The following CGB5 variants were observed in gnomAD, a reference collection of about 807,000 sequenced individuals.
CGB5 encodes chorionic gonadotropin, beta polypeptide 5.
Under a neutral mutation model 7.6 loss-of-function variants are expected in CGB5, and 2 were observed. That is an observed-to-expected ratio of 0.26 (90% CI 0.11 to 0.83). The LOEUF (loss-of-function observed/expected upper bound fraction) is 0.83. CGB5 is among the 40% of genes least tolerant of loss of function. The pLI, the probability that CGB5 is intolerant of heterozygous loss-of-function variation, is 0.65. For synonymous variants in CGB5, 25 were observed against 99.8 expected, an observed-to-expected ratio of 0.25 and a Z score of 4.47; for missense variants, 48 against 228.2, an observed-to-expected ratio of 0.21 and a Z score of 5.09.
intron 1 of CGB5, 120 bp downstream of exon 1, chr19:49,044,344 G>A (rs1472320492): frequency 2.5e-6 from 4 of 1,605,286 alleles, no homozygotes; most frequent in African/African-American, 1.4e-5. Context: ...GTGACCCCCA[G>A]TAAGCTTCAG....
In CGB5 at chr19:49,044,233, G is replaced by T. The variant is rs778398694; in HGVS notation, c.15+9G>T. 2 of 1,613,216 alleles carry T rather than the reference G, an allele frequency of 1.2e-6. No homozygotes were observed. The highest frequency in any genetic ancestry group is 1.7e-6 in the Non-Finnish European group (2 of 1,179,804). ...GGATGGAGATGTTCCAGGTAAGACT[G>T]CAGGGCCCCTGGGCACCTTCCACCT... On this transcript the variant is annotated intron_variant, in intron 1 of 2. Coordinates refer to ENST00000301408, the MANE Select transcript of CGB5 (RefSeq NM_033043.2).
In CGB5 at chr19:49,044,094, C is replaced by G; in HGVS notation, c.-116C>G. Reference sequence around the variant, plus strand: ...CCCCCTGGCCTTGTCTACCTCTTGCCCCCCGAAGGGTTAGTGTCGAGCTCA... The same window carrying G: ...CCCCCTGGCCTTGTCTACCTCTTGCGCCCCGAAGGGTTAGTGTCGAGCTCA... On this transcript the variant is annotated 5_prime_UTR_variant, in exon 1 of 3. Transcript: ENST00000301408. 2 of 1,598,546 alleles carry G rather than the reference C, an allele frequency of 1.3e-6. No homozygotes were observed. The highest frequency in any genetic ancestry group is 1.7e-6 in the Non-Finnish European group (2 of 1,167,578).
At chr19:49,044,499 G>A in intron 1 of CGB5, 78 bp from the exon 2 acceptor site, 2 of 1,410,270 alleles carry the variant, frequency 1.4e-6, no homozygotes, top group Non-Finnish European at 1.9e-6. Context: ...CTTTGTGGGT[G>A]GTGTACCACG....
chr19:49,044,942 C>G (rs747668176), intron 2 of CGB5, 38 bp from the exon 3 acceptor site: 2 of 1,592,746 alleles, frequency 1.3e-6, no homozygotes, highest in Non-Finnish European at 1.7e-6. Context: ...GCGCTGGCCC[C>G]AGGCACATGC....
At position 49,045,193 on chromosome 19, in the gene CGB5, C is replaced by T; in HGVS notation, c.397C>T (p.Pro133Ser). ...GGACCACCCCTTGACCTGTGATGAC[C>T]CCCGCTTCCAGGACTCCTCTTCCTC... ...PKDHPLTCDDPRFQDSSSSKA... is the reference protein window; with the variant it reads ...PKDHPLTCDDSRFQDSSSSKA... The change falls in exon 3 of 3, where the codon CCC becomes TCC. Residue 133 changes from proline to serine, a missense_variant. Physicochemically the swap from Pro to Ser is moderately conservative, Grantham distance 74. Coordinates refer to ENST00000301408, the MANE Select transcript of CGB5 (RefSeq NM_033043.2). 6.3e-7 allele frequency: 1 copy of T among 1,578,530 alleles called. No individual in the cohort carries two copies. Among genetic ancestry groups the T allele is most frequent in the Non-Finnish European group, 8.6e-7 (1 of 1,162,714 alleles).
rs747387144 is a variant in CGB5, at chr19:49,044,970, C to T, written c.184-10C>T. 3.2e-6 allele frequency: 5 copies of T among 1,577,094 alleles called. No individual in the cohort carries two copies. Among genetic ancestry groups the T allele is most frequent in the African/African-American group, 1.4e-5 (1 of 70,526 alleles). On this transcript the variant is annotated splice_polypyrimidine_tract_variant and intron_variant, in intron 2 of 2. Coordinates refer to ENST00000301408, the MANE Select transcript of CGB5 (RefSeq NM_033043.2). ...GCACATGCTCATTCCCCCACTCACA[C>T]GGCTTCCAGACCCGCGTGCTGCAGG...
Position 49,044,194 on chromosome 19 carries a change from A to T in CGB5, c.-16A>T, listed in dbSNP as rs770408103. On this transcript the variant is annotated 5_prime_UTR_variant, in exon 1 of 3. Coordinates refer to ENST00000301408, the MANE Select transcript of CGB5 (RefSeq NM_033043.2). Reference sequence around the variant, plus strand: ...AGGTATAAAGCCAGGTACACGAGGCAGGGGACGCACCAAGGATGGAGATGT... The same window carrying T: ...AGGTATAAAGCCAGGTACACGAGGCTGGGGACGCACCAAGGATGGAGATGT... The T allele has an allele frequency of 3.1e-6, 5 of 1,613,598 alleles. No homozygotes were observed. The Admixed American group carries it at 6.7e-5, about 22-fold the overall frequency.
In CGB5 at chr19:49,044,154, G is replaced by T. The variant is rs370110240; in HGVS notation, c.-56G>T. 6.2e-7 allele frequency: 1 copy of T among 1,613,724 alleles called. No homozygotes were observed. The highest frequency in any genetic ancestry group is 1.1e-5 in the South Asian group (1 of 91,078). The stretch of plus-strand genomic sequence containing the variant: ...CCTACAACCTCCTGGTGGCCTTGCC[G>T]CCCCCACAACCCCGAGGTATAAAGC... On this transcript the variant is annotated 5_prime_UTR_variant, in exon 1 of 3. Transcript: ENST00000301408.
chr19:49,044,487 G>C (rs2039917696), intron 1 of CGB5, 90 bp from the exon 2 acceptor site: 1 of 1,405,800 alleles, frequency 7.1e-7, no homozygotes, highest in South Asian at 1.4e-5. Context: ...GGGTCTCTGG[G>C]TCTTTGTGGG....
chr19:49,044,161 C>T lies in CGB5; in HGVS notation c.-49C>T, dbSNP rs536262481. The T allele has an allele frequency of 1.2e-6, 2 of 1,613,852 alleles. No individual in the cohort carries two copies. Among genetic ancestry groups the T allele is most frequent in the African/African-American group, 1.3e-5 (1 of 74,914 alleles). On this transcript the variant is annotated 5_prime_UTR_variant, in exon 1 of 3. Coordinates refer to ENST00000301408, the MANE Select transcript of CGB5 (RefSeq NM_033043.2). ...CCTCCTGGTGGCCTTGCCGCCCCCA[C>T]AACCCCGAGGTATAAAGCCAGGTAC...
intron 1 of CGB5, 173 bp downstream of exon 1, chr19:49,044,397 T>C (rs1007182154): frequency 4.9e-5 from 48 of 982,268 alleles, no homozygotes; most frequent in Non-Finnish European, 4.3e-5. Flanking sequence ...TTTTGGGGCA[T>C]CTCAGGTCCT....
intron 2 of CGB5, 67 bp from the exon 3 acceptor site, chr19:49,044,913 A>T (rs1421533761): frequency 1.3e-6 from 2 of 1,578,772 alleles, no homozygotes; most frequent in Admixed American, 3.4e-5. Flanking sequence ...TGTGGGGGCA[A>T]CTGGGGAGCT....
At chr19:49,044,363 G>C (rs529584858) in intron 1 of CGB5, 139 bp downstream of exon 1, 2 of 1,600,344 alleles carry the variant, frequency 1.2e-6, no homozygotes, top group African/African-American at 1.4e-5. Flanking sequence ...AGGTGGGGCA[G>C]TTCCTAAGGG....
In CGB5 at chr19:49,045,277, C is replaced by G; in HGVS notation, c.481C>G (p.Pro161Ala). The change falls in exon 3 of 3, where the codon CCG becomes GCG. Residue 161 changes from proline to alanine, a missense_variant. Physicochemically the swap from Pro to Ala is conservative, Grantham distance 27. Around this residue, in one of 3 missense-constraint regions of CGB5, gnomAD observed 34 missense variants for 145.1 expected, o/e 0.23. Transcript: ENST00000301408. ...PSRLPGPSDT[P>A]ILPQ is the part of the protein sequence containing the mutation. ...CCGACTCCCGGGGCCCTCGGACACC[C>G]CGATCCTCCCACAATAAAGGCTTCT... 3.7e-6 allele frequency: 6 copies of G among 1,609,720 alleles called. No homozygotes were observed. In the South Asian group the frequency reaches 4.4e-5, roughly 12 times the overall value.
In CGB5 at chr19:49,044,179, C is replaced by G. The variant is rs1263417341; in HGVS notation, c.-31C>G. On this transcript the variant is annotated 5_prime_UTR_variant, in exon 1 of 3. Transcript: ENST00000301408. Reference sequence around the variant, plus strand: ...GCCCCCACAACCCCGAGGTATAAAGCCAGGTACACGAGGCAGGGGACGCAC... The same window carrying G: ...GCCCCCACAACCCCGAGGTATAAAGGCAGGTACACGAGGCAGGGGACGCAC... 9 of 1,613,830 alleles carry G rather than the reference C, an allele frequency of 5.6e-6. No homozygotes were observed. The highest frequency in any genetic ancestry group is 7.6e-6 in the Non-Finnish European group (9 of 1,179,868).
At position 49,044,918 on chromosome 19, in the gene CGB5, G is replaced by A. The variant is rs529650061; in HGVS notation, c.184-62G>A. The A allele has an allele frequency of 6.3e-6, 10 of 1,591,660 alleles. 1 individual carries two copies. In the African/African-American group the frequency reaches 8.6e-5, roughly 14 times the overall value. Reference sequence around the variant, plus strand: ...GTCTGAGACCTGTGGGGGCAACTGGGGAGCTCAGCTGAGGCGCTGGCCCCA... The same window carrying A: ...GTCTGAGACCTGTGGGGGCAACTGGAGAGCTCAGCTGAGGCGCTGGCCCCA... On this transcript the variant is annotated intron_variant, in intron 2 of 2. Transcript: ENST00000301408.
chr19:49,043,876 C>T lies in CGB5; in HGVS notation c.-334C>T, dbSNP rs1471049920. The T allele has an allele frequency of 7.8e-7, 1 of 1,282,184 alleles. No individual in the cohort carries two copies. Among genetic ancestry groups the T allele is most frequent in the East Asian group, 3.1e-5 (1 of 31,844 alleles). The allele number at this position is 1,282,184 out of a possible 1,614,324, so 79.4% of individuals were successfully genotyped here. On this transcript the variant is annotated 5_prime_UTR_variant, in exon 1 of 3. Transcript: ENST00000301408. ...ACTTTGCTCGGGTCACGGCCTCCTC[C>T]TGGCTCCCAGGACCCCACCATAGGC...
rs1035810972 is a variant in CGB5 at position 49,044,996 on chromosome 19, G to C, written c.200G>C (p.Gly67Ala). 30 of 1,568,230 alleles carry C rather than the reference G, an allele frequency of 1.9e-5. No homozygotes were observed. The highest frequency in any genetic ancestry group is 3.4e-5 in the South Asian group (3 of 87,258). Reference sequence around the variant, plus strand: ...GGCTTCCAGACCCGCGTGCTGCAGGGGGTCCTGCCGGCCCTGCCTCAGGTG... The same window carrying C: ...GGCTTCCAGACCCGCGTGCTGCAGGCGGTCCTGCCGGCCCTGCCTCAGGTG... ...YCPTMTRVLQ[G>A]VLPALPQVVC... is the part of the protein sequence containing the mutation. The change falls in exon 3 of 3, where the codon GGG becomes GCG. Residue 67 changes from glycine (G) to alanine (A), a missense_variant. Transcript: ENST00000301408.
Position 49,044,863 on chromosome 19 carries a change from G to A in CGB5, c.184-117G>A. 2.7e-6 allele frequency: 4 copies of A among 1,505,824 alleles called. 1 individual carries two copies. Among genetic ancestry groups the A allele is most frequent in the East Asian group, 4.5e-5 (2 of 44,032 alleles). The allele number at this position is 1,505,824 out of a possible 1,614,324, so 93.3% of individuals were successfully genotyped here. On this transcript the variant is annotated intron_variant, in intron 2 of 2. Transcript: ENST00000301408. Reference sequence around the variant, plus strand: ...GGGCTGCGGAATGGGGTGTGGGAGGGCAGGAACAGAGGGCTTCCCGGACCC... The same window carrying A: ...GGGCTGCGGAATGGGGTGTGGGAGGACAGGAACAGAGGGCTTCCCGGACCC...
Sources: gnomAD v4.1 joint callset for allele counts on GRCh38, gnomAD v4.1.1 for gene constraint, gnomAD v4.1.1 regional missense constraint, MANE v1.5 for transcripts, NCBI Gene and HGNC (gene_info 2026-07-23, HGNC 2026-07-21) for gene names.